The following ROBO1 variants were observed in gnomAD, a reference collection of about 807,000 sequenced individuals.
ROBO1 encodes the protein roundabout homolog 1.
In ROBO1, 149 loss-of-function variants were observed where a neutral mutation model predicts 195.9. The observed-to-expected ratio is 0.76, with a 90% CI of 0.67 to 0.87. The LOEUF (loss-of-function observed/expected upper bound fraction) is 0.87, where lower values mean the gene tolerates loss of function less well. ROBO1 is among the 40% of genes least tolerant of loss of function. ROBO1 has a pLI of 0.00. For missense variants in ROBO1, 1,933 were observed against 2,068.3 expected (o/e 0.93, Z 1.27); for synonymous variants, 816 against 733.2 (o/e 1.11, Z -1.82).
chr3:79,534,523 C>T (rs938109149), intron 2 of ROBO1, among the ~76,000 whole-genome samples: 1 of 152,144 alleles, frequency 6.6e-6, no homozygotes, highest in African/African-American at 2.4e-5. Flanking sequence ...AATTCTCAGA[C>T]AAAGCCTGAA....
At chr3:79,036,732 C>T (rs780996615) in intron 3 of ROBO1, among the ~76,000 whole-genome samples, 12 of 151,962 alleles carry the variant, frequency 7.9e-5, no homozygotes, top group Non-Finnish European at 1.3e-4. Flanking sequence ...GCCTCAAATT[C>T]GATATTTTAA....
chr3:78,755,008 G>A lies in ROBO1; in HGVS notation c.500-8108C>T, dbSNP rs79617959. The stretch of plus-strand genomic sequence containing the variant: ...AAAACAAGACAACCTTGGTAGGGAC[G>A]ACAGGGACCAGATTTGCTATGCACA... On this transcript the variant is annotated intron_variant, in intron 4 of 30. Transcript: ENST00000464233. Among the ~76,000 whole-genome samples, 500 of 152,272 alleles carry A rather than the reference G, an allele frequency of 3.3e-3. 2 individuals carry two copies. Among genetic ancestry groups the A allele is most frequent in the African/African-American group, 0.012 (481 of 41,554 alleles).
At chr3:79,272,083 G>A (rs2030618262) in intron 2 of ROBO1, among the ~76,000 whole-genome samples, 1 of 151,916 alleles carries the variant, frequency 6.6e-6, no homozygotes, top group South Asian at 2.1e-4. Flanking sequence ...ATTTTTAAAA[G>A]GTCAGTGTCG....
At chr3:79,391,244 G>A (rs921472804) in intron 2 of ROBO1, among the ~76,000 whole-genome samples, 7 of 151,896 alleles carry the variant, frequency 4.6e-5, no homozygotes, top group Non-Finnish European at 1.0e-4. Flanking sequence ...AGTGAGCTAT[G>A]ATCATACCAC....
chr3:79,140,229 A>G (rs979342541), intron 2 of ROBO1, among the ~76,000 whole-genome samples: 1 of 152,146 alleles, frequency 6.6e-6, no homozygotes, highest in East Asian at 1.9e-4. Context: ...AAACACTGCT[A>G]CTGGTTACTG....
intron 2 of ROBO1, among the ~76,000 whole-genome samples, chr3:79,580,346 C>T (rs1337785827): frequency 3.3e-5 from 5 of 151,754 alleles, no homozygotes; most frequent in African/African-American, 1.2e-4. Context: ...TGGTGGTGCA[C>T]ATCTGTAATT....
intron 4 of ROBO1, among the ~76,000 whole-genome samples, chr3:78,771,661 T>C (rs774161417): frequency 7.2e-5 from 11 of 152,198 alleles, no homozygotes; most frequent in Non-Finnish European, 1.5e-4. Flanking sequence ...TGTGTGGCTA[T>C]TGTAAATGAG....
chr3:78,953,487 C>T (rs990101207), intron 3 of ROBO1, among the ~76,000 whole-genome samples: 1 of 151,912 alleles, frequency 6.6e-6, no homozygotes, highest in Admixed American at 6.6e-5. Flanking sequence ...TAAGCATTGG[C>T]AGCACAAAGA....
intron 1 of ROBO1, among the ~76,000 whole-genome samples, chr3:79,765,543 A>G (rs1704939101): frequency 6.6e-6 from 1 of 152,188 alleles, no homozygotes. Flanking sequence ...AGCAGGTTTT[A>G]AGGTGTCAGA....
At chr3:79,379,836 C>T (rs1376403699) in intron 2 of ROBO1, among the ~76,000 whole-genome samples, 1 of 152,174 alleles carries the variant, frequency 6.6e-6, no homozygotes, top group African/African-American at 2.4e-5. Context: ...TATTGAGCCC[C>T]ATTGCAGACA....
intron 1 of ROBO1, among the ~76,000 whole-genome samples, chr3:79,726,752 A>G (rs903373442): frequency 6.6e-6 from 1 of 152,212 alleles, no homozygotes; most frequent in Non-Finnish European, 1.5e-5. Context: ...GAGGCGAAAA[A>G]ATACATTTTT....
At chr3:79,391,736 T>C (rs1329085472) in intron 2 of ROBO1, among the ~76,000 whole-genome samples, 2 of 152,182 alleles carry the variant, frequency 1.3e-5, no homozygotes, top group Non-Finnish European at 2.9e-5. Context: ...AACTGAAATA[T>C]ACTGTTATAG....
intron 2 of ROBO1, among the ~76,000 whole-genome samples, chr3:79,300,440 G>A (rs1032962038): frequency 6.6e-6 from 1 of 152,218 alleles, no homozygotes. Flanking sequence ...CTCACTGGGC[G>A]TTAGCTGCCT....
intron 3 of ROBO1, among the ~76,000 whole-genome samples, chr3:79,048,080 T>C (rs752006136): frequency 1.3e-5 from 2 of 152,132 alleles, no homozygotes; most frequent in African/African-American, 2.4e-5. Flanking sequence ...CCTGGGTCTT[T>C]TCTTAACCAT....
chr3:79,735,445 G>C (rs1703338106), intron 1 of ROBO1, among the ~76,000 whole-genome samples: 1 of 152,166 alleles, frequency 6.6e-6, no homozygotes, highest in South Asian at 2.1e-4. Context: ...AAAGATATGG[G>C]TTCAAATTCT....
chr3:79,075,601 T>G (rs1365923554), intron 3 of ROBO1, among the ~76,000 whole-genome samples: 1 of 151,970 alleles, frequency 6.6e-6, no homozygotes, highest in African/African-American at 2.4e-5. Context: ...AACAGAGTTG[T>G]GCATTCACTA....
At chr3:79,367,013 A>T (rs1023121880) in intron 2 of ROBO1, among the ~76,000 whole-genome samples, 2 of 152,278 alleles carry the variant, frequency 1.3e-5, no homozygotes, top group East Asian at 1.9e-4. Flanking sequence ...CTATTTTGTA[A>T]AGTTTAAAAT....
chr3:79,023,696 GTTTTTTTTT>G (rs869056050), intron 3 of ROBO1, among the ~76,000 whole-genome samples: 2 of 68,956 alleles, frequency 2.9e-5, no homozygotes, highest in Non-Finnish European at 4.8e-5. Context: ...TTGAGACAGA[GTTTTTTTTT>G]TTTTTTTTTT....
In ROBO1 at chr3:79,457,424, T is replaced by C. The variant is rs2039653475; in HGVS notation, c.88+132400A>G. Among the ~76,000 whole-genome samples, 4 of 151,760 alleles carry C rather than the reference T, an allele frequency of 2.6e-5. No homozygotes were observed. The South Asian group carries it at 8.3e-4, about 32-fold the overall frequency. On this transcript the variant is annotated intron_variant, in intron 2 of 30. Coordinates refer to ENST00000464233, the MANE Select transcript of ROBO1 (RefSeq NM_002941.4). ...GTGTGTGTGTGTGTGTCTATGGGAG[T>C]GCATCGCTGAGTCATTTTCTCCTTT...
Sources: gnomAD v4.1 joint callset for allele counts (sites outside exome capture counted in the v4.1 genomes callset) on GRCh38, gnomAD v4.1.1 for gene constraint, MANE v1.5 for transcripts, NCBI Gene and HGNC (gene_info 2026-07-23, HGNC 2026-07-21) for gene names.